NFIB: variants seen among roughly 807,000 people sequenced by gnomAD.
NFIB encodes the protein nuclear factor 1 B-type.
In NFIB, 11 loss-of-function variants were observed where a neutral mutation model predicts 61.5. The observed-to-expected ratio is 0.18, with a 90% CI of 0.11 to 0.30. NFIB has a LOEUF of 0.30. Among genes scored for constraint, NFIB ranks in the 10% least tolerant of loss-of-function variants. NFIB has a pLI of 1.00. For synonymous variants in NFIB, 260 were observed against 216.5 expected, an observed-to-expected ratio of 1.20 and a Z score of -1.76; for missense variants, 471 against 608.9, an observed-to-expected ratio of 0.77 and a Z score of 2.38.
Position 14,097,790 on chromosome 9 carries a change from G to A in NFIB, c.1468-9464C>T, listed in dbSNP as rs1422454144. Among the ~76,000 whole-genome samples the A allele has an allele frequency of 2.6e-5, 4 of 151,508 alleles. No individual in the cohort carries two copies. In the East Asian group the frequency reaches 7.7e-4, roughly 29 times the overall value. ...TATGAACAAAGCAAGGAAAATGGCT[G>A]AGGTGAGTGTTATGCAAATTAAGTT... On this transcript the variant is annotated intron_variant, in intron 10 of 10. Coordinates refer to ENST00000380953, the MANE Select transcript of NFIB (RefSeq NM_001190737.2).
intron 1 of NFIB, among the ~76,000 whole-genome samples, chr9:14,387,879 G>C (rs2061567277): frequency 6.6e-6 from 1 of 152,172 alleles, no homozygotes; most frequent in South Asian, 2.1e-4. Context: ...AGCACAGTGG[G>C]GTAAGCCGAG....
At chr9:14,231,122 A>G (rs1467362225) in intron 2 of NFIB, among the ~76,000 whole-genome samples, 5 of 43,150 alleles carry the variant, frequency 1.2e-4, no homozygotes, top group African/African-American at 2.4e-4. Context: ...TCCATGGGGA[A>G]AAAAAAAAAA....
the NFIB span, among the ~76,000 whole-genome samples, chr9:14,461,501 G>T: frequency 5.3e-5 from 8 of 152,164 alleles, no homozygotes; most frequent in Non-Finnish European, 8.8e-5. Flanking sequence ...TCTGGCTCAA[G>T]TCTTTCTTCC....
chr9:14,488,546 T>C, the NFIB span, among the ~76,000 whole-genome samples: 2 of 152,160 alleles, frequency 1.3e-5, no homozygotes, highest in Non-Finnish European at 2.9e-5. Context: ...TGCCACCCTA[T>C]GCTGGCACTG....
At chr9:14,160,495 C>T (rs1202038089) in intron 3 of NFIB, among the ~76,000 whole-genome samples, 4 of 151,880 alleles carry the variant, frequency 2.6e-5, no homozygotes, top group Non-Finnish European at 5.9e-5. Context: ...TTCAAGTATT[C>T]GAAGGACTAT....
chr9:14,279,810 A>G (rs527500308), intron 2 of NFIB, among the ~76,000 whole-genome samples: 2 of 152,190 alleles, frequency 1.3e-5, no homozygotes, highest in Non-Finnish European at 2.9e-5. Context: ...CCAAATGTAA[A>G]CAATGGTCCT....
intron 2 of NFIB, among the ~76,000 whole-genome samples, chr9:14,226,564 A>AG (rs1293234529): frequency 6.6e-6 from 1 of 151,210 alleles, no homozygotes; most frequent in African/African-American, 2.4e-5. Context: ...AAAAAAAAAA[A>AG]GCAATGAATA....
chr9:14,435,759 C>T, the NFIB span, among the ~76,000 whole-genome samples: 6 of 152,126 alleles, frequency 3.9e-5, no homozygotes, highest in South Asian at 2.1e-4. Flanking sequence ...CTGTAAGCTC[C>T]GAGCTCAAGT....
the NFIB span, among the ~76,000 whole-genome samples, chr9:14,424,250 G>C: frequency 2.5e-4 from 38 of 152,312 alleles, no homozygotes; most frequent in Middle Eastern, 3.4e-3. Context: ...CTCCCTTACA[G>C]AAGAAGAAAT....
In NFIB at chr9:14,299,323, T is replaced by C. The variant is rs1014361369; in HGVS notation, c.562+7666A>G. The stretch of plus-strand genomic sequence containing the variant: ...TTCATCTTCATTCAGCATGAGACTA[T>C]ATATGTGTCGCTTAATATTAATGGA... On this transcript the variant is annotated intron_variant, in intron 2 of 10. Coordinates refer to ENST00000380953, the MANE Select transcript of NFIB (RefSeq NM_001190737.2). Among the ~76,000 whole-genome samples the C allele has an allele frequency of 9.9e-5, 15 of 152,206 alleles. No homozygotes were observed. In the South Asian group the frequency reaches 2.1e-3, roughly 21 times the overall value.
intron 2 of NFIB, among the ~76,000 whole-genome samples, chr9:14,277,431 GT>G (rs1361392986): frequency 2.6e-5 from 4 of 152,172 alleles, no homozygotes; most frequent in African/African-American, 2.4e-5. Flanking sequence ...TGTTTTTGGT[GT>G]TTTGCCAAAT....
At chr9:14,150,079 C>A (rs553329042) in intron 5 of NFIB, 66 bp downstream of exon 5, 1 of 1,597,856 alleles carries the variant, frequency 6.3e-7, no homozygotes, top group Non-Finnish European at 8.5e-7. Context: ...TATCTATCTG[C>A]CTATCATCCA....
chr9:14,420,743 A>G, the NFIB span, among the ~76,000 whole-genome samples: 1 of 152,314 alleles, frequency 6.6e-6, no homozygotes, highest in African/African-American at 2.4e-5. Flanking sequence ...CCACTTCATC[A>G]TAGCTAAAAT....
chr9:14,174,383 T>A (rs1371524528), intron 3 of NFIB, among the ~76,000 whole-genome samples: 1 of 152,152 alleles, frequency 6.6e-6, no homozygotes, highest in Non-Finnish European at 1.5e-5. Flanking sequence ...TTAAGTATCA[T>A]GAAATAGTGC....
At position 14,314,128 on chromosome 9, in the gene NFIB, G is replaced by T. The variant is rs556715739; in HGVS notation, c.-617C>A. 18 of 1,024,936 alleles carry T rather than the reference G, an allele frequency of 1.8e-5. No individual in the cohort carries two copies. In the South Asian group the frequency reaches 6.1e-4, roughly 34 times the overall value. The allele number at this position is 1,024,936 out of a possible 1,614,324, so 63.5% of individuals were successfully genotyped here. A position where few individuals can be genotyped will look rare whatever the true frequency, so the allele number is the denominator to read the frequency against. ...CGACCATGTGTGTGCGCGAGGGGCA[G>T]CGTGAGCGAGTGCGCGCGGGTGGCG... On this transcript the variant is annotated 5_prime_UTR_variant, in exon 1 of 11. It adds an upstream start codon to the 5' untranslated region. Transcript: ENST00000380953.
At chr9:14,467,329 G>T in the NFIB span, among the ~76,000 whole-genome samples, 31 of 152,226 alleles carry the variant, frequency 2.0e-4, no homozygotes, top group African/African-American at 7.2e-4. Context: ...AGCACACAGG[G>T]TCTGGCCAGG....
At chr9:14,526,211 TGAATA>T in the NFIB span, among the ~76,000 whole-genome samples, 1 of 152,256 alleles carries the variant, frequency 6.6e-6, no homozygotes, top group African/African-American at 2.4e-5. Context: ...AAAAGCTCTC[TGAATA>T]AAGTCATATT....
chr9:14,199,040 C>G (rs1471410955), intron 2 of NFIB, among the ~76,000 whole-genome samples: 4 of 152,238 alleles, frequency 2.6e-5, no homozygotes, highest in African/African-American at 9.6e-5. Context: ...CACACCCTGA[C>G]TGGCCAAGGG....
chr9:14,419,895 G>C, the NFIB span, among the ~76,000 whole-genome samples: 1 of 152,176 alleles, frequency 6.6e-6, no homozygotes, highest in African/African-American at 2.4e-5. Context: ...AGACCAAAAA[G>C]TATAGAATTT....
Sources: gnomAD v4.1 joint callset for allele counts (sites outside exome capture counted in the v4.1 genomes callset) on GRCh38, gnomAD v4.1.1 for gene constraint, MANE v1.5 for transcripts, NCBI Gene and HGNC (gene_info 2026-07-23, HGNC 2026-07-21) for gene names.